LRP1B: variants seen among roughly 807,000 people sequenced by gnomAD.
The protein encoded by LRP1B is LDL receptor related protein 1B.
In LRP1B, 217 loss-of-function variants were observed where a neutral mutation model predicts 556.6. That is an observed-to-expected ratio of 0.39 (90% CI 0.35 to 0.44). The LOEUF (loss-of-function observed/expected upper bound fraction) is 0.44, where lower values mean the gene tolerates loss of function less well. LRP1B is among the 20% of genes least tolerant of loss of function. The probability of loss-of-function intolerance (pLI) is 1.00; values close to 1 mark genes in which losing one functional copy is unlikely to be tolerated. For missense variants in LRP1B, 5,053 were observed against 5,620.8 expected (o/e 0.90, Z 3.23); for synonymous variants, 2,047 against 1,865.8 (o/e 1.10, Z -2.50).
rs185003616 is a variant in LRP1B at position 141,252,159 on chromosome 2, G to T, written c.463+2363C>A. ...AGCTGGCTTAATTGCTCCAACTATG[G>T]GGTTGCCTTTCTCCTGTATCCTCTC... On this transcript the variant is annotated intron_variant, in intron 4 of 90. Coordinates refer to ENST00000389484, the MANE Select transcript of LRP1B (RefSeq NM_018557.3). Among the ~76,000 whole-genome samples, 16 of 151,700 alleles carry T rather than the reference G, an allele frequency of 1.1e-4. No homozygotes were observed. In the East Asian group the frequency reaches 3.1e-3, roughly 29 times the overall value.
chr2:141,576,496 G>A (rs1173382588), intron 2 of LRP1B, among the ~76,000 whole-genome samples: 1 of 152,144 alleles, frequency 6.6e-6, no homozygotes, highest in African/African-American at 2.4e-5. Context: ...GTCAATAGGT[G>A]CAGCAGATCA....
At chr2:141,032,793 G>A (rs916065965) in intron 11 of LRP1B, among the ~76,000 whole-genome samples, 8 of 98,404 alleles carry the variant, frequency 8.1e-5, no homozygotes, top group Admixed American at 4.0e-4. Flanking sequence ...AAATTTTAAC[G>A]CAGGTATATG....
chr2:140,481,578 T>TTTATTATTATTA (rs539100695), intron 59 of LRP1B, among the ~76,000 whole-genome samples: 321 of 137,110 alleles, frequency 2.3e-3, no homozygotes, highest in South Asian at 6.0e-3. Context: ...GGTAGCCATC[T>TTTATTATTATTA]TTATTATTAT....
In LRP1B at chr2:141,799,436, G is replaced by A. The variant is rs370006683; in HGVS notation, c.205+10843C>T. ...TGGTTTGAAAATGGAGGGGTTGCAC[G>A]CCAAGACATGTAGATTGCTTTTAAT... On this transcript the variant is annotated intron_variant, in intron 2 of 90. Transcript: ENST00000389484. Among the ~76,000 whole-genome samples the A allele has an allele frequency of 7.9e-5, 12 of 152,244 alleles. 1 individual carries two copies. Among genetic ancestry groups the A allele is most frequent in the African/African-American group, 2.4e-4 (10 of 41,536 alleles).
intron 2 of LRP1B, among the ~76,000 whole-genome samples, chr2:141,528,227 TG>T (rs1684756086): frequency 6.6e-6 from 1 of 151,836 alleles, no homozygotes; most frequent in African/African-American, 2.4e-5. Flanking sequence ...TGACAACCTA[TG>T]GGGTTCTCTC....
intron 31 of LRP1B, among the ~76,000 whole-genome samples, chr2:140,816,136 TCAGA>T: frequency 6.6e-6 from 1 of 152,084 alleles, no homozygotes; most frequent in Non-Finnish European, 1.5e-5. Flanking sequence ...TTTCTTTTTT[TCAGA>T]CAGAGTATCA....
chr2:140,699,833 GA>G (rs548946503), intron 41 of LRP1B, among the ~76,000 whole-genome samples: 2,418 of 144,324 alleles, frequency 0.017, 80 homozygotes, highest in Admixed American at 0.07. Flanking sequence ...CATATATACA[GA>G]AAAAAAATCT....
intron 7 of LRP1B, among the ~76,000 whole-genome samples, chr2:141,127,875 C>G (rs1192687025): frequency 6.6e-6 from 1 of 152,186 alleles, no homozygotes; most frequent in Non-Finnish European, 1.5e-5. Flanking sequence ...CTCTAGCTCT[C>G]TGAGATAGTC....
At chr2:141,374,224 G>A (rs552523415) in intron 3 of LRP1B, among the ~76,000 whole-genome samples, 1 of 152,218 alleles carries the variant, frequency 6.6e-6, no homozygotes, top group Non-Finnish European at 1.5e-5. Flanking sequence ...CACCTGTAAG[G>A]TTTCTGCTGA....
intron 5 of LRP1B, among the ~76,000 whole-genome samples, chr2:141,234,245 G>A (rs1412403025): frequency 1.3e-5 from 2 of 151,920 alleles, no homozygotes; most frequent in Non-Finnish European, 2.9e-5. Flanking sequence ...AGGAAAATGG[G>A]TTTGCAGTTA....
chr2:140,582,135 T>G (rs1373021281), intron 43 of LRP1B, among the ~76,000 whole-genome samples: 1 of 152,130 alleles, frequency 6.6e-6, no homozygotes, highest in Admixed American at 6.5e-5. Context: ...AAAAAAAAAT[T>G]CTCATTTACC....
At chr2:141,923,330 C>T (rs1226199810) in intron 1 of LRP1B, among the ~76,000 whole-genome samples, 1 of 146,632 alleles carries the variant, frequency 6.8e-6, no homozygotes, top group Non-Finnish European at 1.5e-5. Flanking sequence ...GGGGACTGGT[C>T]CCTATATCAA....
Position 140,963,410 on chromosome 2 carries a change from T to G in LRP1B, c.2888-11470A>C, listed in dbSNP as rs181303016. ...ATAATTATTTCCTTTGACCCTGATT[T>G]TTACGTGTGTGTGTGTGCATGTACA... On this transcript the variant is annotated intron_variant, in intron 18 of 90. Transcript: ENST00000389484. Among the ~76,000 whole-genome samples the G allele has an allele frequency of 1.3e-4, 19 of 151,806 alleles. No individual in the cohort carries two copies. The East Asian group carries it at 3.3e-3, about 26-fold the overall frequency.
At chr2:140,725,748 G>C (rs1687572514) in intron 35 of LRP1B, among the ~76,000 whole-genome samples, 1 of 151,986 alleles carries the variant, frequency 6.6e-6, no homozygotes, top group African/African-American at 2.4e-5. Context: ...GATCACACCT[G>C]CCACTGGGGT....
In LRP1B at chr2:141,639,093, G is replaced by A. The variant is rs1689212707; in HGVS notation, c.206-158560C>T. Reference sequence around the variant, plus strand: ...ATAAGTGGCACTGGTTGTAACATCTGTCTAGGAGCAGTGAGGGGCAAGCCA... The same window carrying A: ...ATAAGTGGCACTGGTTGTAACATCTATCTAGGAGCAGTGAGGGGCAAGCCA... On this transcript the variant is annotated intron_variant, in intron 2 of 90. Coordinates refer to ENST00000389484, the MANE Select transcript of LRP1B (RefSeq NM_018557.3). Among the ~76,000 whole-genome samples, 3 of 128,060 alleles carry A rather than the reference G, an allele frequency of 2.3e-5. No homozygotes were observed. In the Admixed American group the frequency reaches 2.5e-4, roughly 11 times the overall value. The allele number at this position is 128,060 out of a possible 152,430, so 84.0% of individuals were successfully genotyped here.
In LRP1B at chr2:140,840,061, G is replaced by A. The variant is rs2105095202; in HGVS notation, c.5139C>T (p.Asn1713=). Residue 1713 remains asparagine, a synonymous_variant, in exon 31 of 91, where the codon AAC becomes AAT. Transcript: ENST00000389484. ...CATCCATATTTGCCATGTTAATTGT[G>A]TTTCCATCGGTCCAGTAGAGTTTTC... ...VRGKLYWTDG[N]TINMANMDGS... is the part of the protein sequence containing the mutation. The A allele has an allele frequency of 6.2e-7, 1 of 1,610,582 alleles. No individual in the cohort carries two copies.
At chr2:141,108,344 T>C (rs1253752754) in intron 7 of LRP1B, among the ~76,000 whole-genome samples, 3 of 113,724 alleles carry the variant, frequency 2.6e-5, no homozygotes, top group African/African-American at 3.4e-5. Flanking sequence ...CTTTTTTTTT[T>C]TTTTTTTTTT....
intron 18 of LRP1B, 77 bp downstream of exon 18, chr2:140,982,083 C>A (rs543551505): frequency 6.2e-6 from 7 of 1,122,972 alleles, no homozygotes; most frequent in South Asian, 3.9e-5. Context: ...AATAAATAGC[C>A]CTTTAAGGAG....
intron 1 of LRP1B, among the ~76,000 whole-genome samples, chr2:141,853,872 A>G (rs1177176226): frequency 6.6e-6 from 1 of 152,032 alleles, no homozygotes; most frequent in Non-Finnish European, 1.5e-5. Flanking sequence ...ATGTGGCTCA[A>G]GTCACATATT....
Sources: allele counts gnomAD v4.1 joint callset (sites outside exome capture counted in the v4.1 genomes callset), GRCh38; gene constraint gnomAD v4.1.1; transcripts MANE v1.5; gene names NCBI Gene and HGNC (gene_info 2026-07-23, HGNC 2026-07-21).